Variants in NHSL2 observed in about 807,000 individuals in gnomAD.
The protein encoded by NHSL2 is NHS like 2.
Under a neutral mutation model 53.4 loss-of-function variants are expected in NHSL2, and 27 were observed. That is an observed-to-expected ratio of 0.51 (90% CI 0.37 to 0.70). NHSL2 has a LOEUF of 0.70. Ranked by LOEUF, NHSL2 falls within the 30% of genes least tolerant of loss-of-function variation. The probability of loss-of-function intolerance (pLI) is 0.00; values close to 1 mark genes in which losing one functional copy is unlikely to be tolerated. For missense variants in NHSL2, 892 were observed against 980.1 expected (o/e 0.91, Z 1.20); for synonymous variants, 408 against 404.1 (o/e 1.01, Z -0.12).
intron 1 of NHSL2, among the ~76,000 whole-genome samples, chrX:72,087,241 G>A (rs1209967647): frequency 2.7e-5 from 3 of 112,762 alleles, no homozygotes; most frequent in Non-Finnish European, 5.6e-5. Flanking sequence ...TATGCTAACC[G>A]AAAGAAACCA....
chrX:71,977,269 C>T (rs966258118), intron 1 of NHSL2, among the ~76,000 whole-genome samples: 3 of 111,840 alleles, frequency 2.7e-5, no homozygotes, highest in Non-Finnish European at 5.6e-5. Flanking sequence ...ATAATAATAA[C>T]ACCTACCTCA....
At chrX:71,945,013 G>A (rs1315890216) in intron 1 of NHSL2, among the ~76,000 whole-genome samples, 1 of 112,076 alleles carries the variant, frequency 8.9e-6, no homozygotes, top group African/African-American at 3.2e-5. Flanking sequence ...TGTGTAAAAT[G>A]TACATGTGTG....
chrX:71,934,402 G>A (rs1260438231), intron 1 of NHSL2, among the ~76,000 whole-genome samples: 1 of 111,729 alleles, frequency 9.0e-6, no homozygotes, highest in African/African-American at 3.3e-5. Context: ...TTCAATGCAC[G>A]TGGATAGGCT....
rs746914188 is a variant in NHSL2, at chrX:72,122,059, T to A, written c.281-10020T>A. Among the ~76,000 whole-genome samples the A allele has an allele frequency of 3.0e-4, 34 of 112,505 alleles. No homozygotes were observed. The South Asian group carries it at 0.012, about 38-fold the overall frequency. ...TAGTAACACAACTAGATCACAAAAT[T>A]TAAAAAATATTTTTCTAACCATTTC... On this transcript the variant is annotated intron_variant, in intron 1 of 7. Coordinates refer to ENST00000633930, the MANE Select transcript of NHSL2 (RefSeq NM_001013627.3).
chrX:71,955,365 G>T (rs946538899), intron 1 of NHSL2, among the ~76,000 whole-genome samples: 19 of 110,460 alleles, frequency 1.7e-4, no homozygotes, highest in African/African-American at 6.3e-4. Flanking sequence ...CCATCCTTTA[G>T]GGCTCAGCTC....
rs763116118 is a variant in NHSL2 at position 72,130,071 on chromosome X, G to A, written c.281-2008G>A. 1.8e-5 allele frequency: 22 copies of A among 1,211,212 alleles called. No homozygotes were observed. The South Asian group carries it at 2.1e-4, about 12-fold the overall frequency. ...GAGGTGATGCACCCAGGAAGTTTTC[G>A]GCGTGGTAACCACTTGTGGGGCCAG... is the stretch of plus-strand genomic sequence containing the variant. On this transcript the variant is annotated intron_variant, in intron 1 of 7. Coordinates refer to ENST00000633930, the MANE Select transcript of NHSL2 (RefSeq NM_001013627.3).
chrX:72,120,000 T>C (rs776449516), intron 1 of NHSL2, among the ~76,000 whole-genome samples: 1 of 112,511 alleles, frequency 8.9e-6, no homozygotes, highest in African/African-American at 3.2e-5. Flanking sequence ...ATCGATATGG[T>C]GTATTACATT....
At chrX:71,969,005 T>C (rs2041913156) in intron 1 of NHSL2, among the ~76,000 whole-genome samples, 1 of 111,831 alleles carries the variant, frequency 8.9e-6, no homozygotes, top group Admixed American at 9.5e-5. Flanking sequence ...TTGGCTATTC[T>C]GAGCCCCTTT....
chrX:71,959,269 T>C (rs2041857076), intron 1 of NHSL2, among the ~76,000 whole-genome samples: 1 of 112,056 alleles, frequency 8.9e-6, no homozygotes, highest in Non-Finnish European at 1.9e-5. Flanking sequence ...TCTGTTCACC[T>C]CTTTAAGGTT....
chrX:72,139,020 C>T lies in NHSL2; in HGVS notation c.1472C>T (p.Ala491Val), dbSNP rs1464000933. ...AGGCTGGAGACAGGCCCCGGTGGGG[C>T]CAGCAGATTCCGGGAGCGGTCACTG... ...TSRLETGPGG[A>V]SRFRERSLSV... The change falls in exon 6 of 8, where the codon GCC becomes GTC. Residue 491 changes from alanine to valine, a missense_variant. Physicochemically the swap from Ala to Val is moderately conservative, Grantham distance 64. Transcript: ENST00000633930. 1 of 1,175,796 alleles carries T rather than the reference C, an allele frequency of 8.5e-7. No individual in the cohort carries two copies. The highest frequency in any genetic ancestry group is 2.5e-5 in the Admixed American group (1 of 40,332).
intron 1 of NHSL2, among the ~76,000 whole-genome samples, chrX:72,073,404 A>G (rs754485487): frequency 8.9e-6 from 1 of 111,945 alleles, no homozygotes; most frequent in East Asian, 2.8e-4. Context: ...CCTTTCGCCT[A>G]TTGAGTGAGT....
At chrX:72,109,530 C>T (rs745729205) in intron 1 of NHSL2, among the ~76,000 whole-genome samples, 3 of 111,901 alleles carry the variant, frequency 2.7e-5, no homozygotes, top group South Asian at 3.7e-4. Context: ...AGTGCAATGG[C>T]GCGATCTCGG....
chrX:72,063,385 C>G (rs918469115), intron 1 of NHSL2, among the ~76,000 whole-genome samples: 1 of 111,859 alleles, frequency 8.9e-6, no homozygotes, highest in Non-Finnish European at 1.9e-5. Flanking sequence ...AAAAAATAAA[C>G]TTTGTATGGG....
At chrX:72,040,511 T>C (rs984673568) in intron 1 of NHSL2, among the ~76,000 whole-genome samples, 1 of 112,223 alleles carries the variant, frequency 8.9e-6, no homozygotes, top group African/African-American at 3.2e-5. Flanking sequence ...ATCCCAGAGC[T>C]AGGATGTGCT....
intron 1 of NHSL2, among the ~76,000 whole-genome samples, chrX:71,963,386 CAT>C (rs1334037846): frequency 9.0e-6 from 1 of 110,600 alleles, no homozygotes; most frequent in Non-Finnish European, 1.9e-5. Flanking sequence ...AGCTATGAGA[CAT>C]ATAAAAACAA....
intron 1 of NHSL2, among the ~76,000 whole-genome samples, chrX:71,921,344 C>T (rs1461502977): frequency 1.9e-5 from 2 of 105,269 alleles, no homozygotes; most frequent in Non-Finnish European, 3.9e-5. Context: ...CACTTGAACC[C>T]GGGAGGTGGA....
chrX:71,961,428 CCCTTCCTCCCTT>C (rs1742286452), intron 1 of NHSL2, among the ~76,000 whole-genome samples: 1 of 95,775 alleles, frequency 1.0e-5, no homozygotes, highest in Non-Finnish European at 2.1e-5. Flanking sequence ...CTCTCTCCCT[CCCTTCCTCCCTT>C]CCTTCCTCCC....
chrX:72,072,171 GC>G (rs1180351656), intron 1 of NHSL2, among the ~76,000 whole-genome samples: 4 of 112,525 alleles, frequency 3.6e-5, no homozygotes, highest in African/African-American at 1.3e-4. Context: ...AACTCTTTTT[GC>G]CTTTCAAGTT....
In NHSL2 at chrX:71,946,799, A is replaced by G. The variant is rs1226439849; in HGVS notation, c.280+35432A>G. On this transcript the variant is annotated intron_variant, in intron 1 of 7. Transcript: ENST00000633930. The stretch of plus-strand genomic sequence containing the variant: ...TATATAGAAGAGTATGGATTTTAGC[A>G]TGTTCACTCCTACCACTTGCTGGCT... Among the ~76,000 whole-genome samples the G allele has an allele frequency of 2.7e-5, 3 of 112,286 alleles. No homozygotes were observed. The East Asian group carries it at 8.4e-4, about 31-fold the overall frequency.
Sources: gnomAD v4.1 joint callset for allele counts (sites outside exome capture counted in the v4.1 genomes callset) on GRCh38, gnomAD v4.1.1 for gene constraint, MANE v1.5 for transcripts, NCBI Gene and HGNC (gene_info 2026-07-23, HGNC 2026-07-21) for gene names.